Variants in ABCC2 observed in about 807,000 individuals in gnomAD.
ABCC2 encodes ATP-binding cassette sub-family C member 2.
A neutral mutation model predicts 173.4 loss-of-function variants in ABCC2; 157 were observed. The observed-to-expected ratio is 0.91, with a 90% CI of 0.80 to 1.03. ABCC2 has a LOEUF of 1.03. Among genes scored for constraint, ABCC2 ranks in the 50% least tolerant of loss-of-function variants. The probability of loss-of-function intolerance (pLI) is 0.00; values close to 1 mark genes in which losing one functional copy is unlikely to be tolerated. For missense variants in ABCC2, 1,822 were observed against 1,852.3 expected, an observed-to-expected ratio of 0.98 and a Z score of 0.30; for synonymous variants, 657 against 693.5, an observed-to-expected ratio of 0.95 and a Z score of 0.83.
intron 6 of ABCC2, among the ~76,000 whole-genome samples, chr10:99,794,971 G>T (rs1403402169): frequency 2.0e-5 from 3 of 152,202 alleles, no homozygotes; most frequent in Non-Finnish European, 4.4e-5. Context: ...CTGAGGAGAA[G>T]ATGGAGGGGG....
Position 99,805,440 on chromosome 10 carries a change from G to A in ABCC2, c.1523G>A (p.Gly508Glu). ...RLKIMNEILS[G>E]IKILKYFAWE... The stretch of plus-strand genomic sequence containing the variant: ...AAGATCATGAATGAGATTCTTAGTG[G>A]AATCAAGGTGAGAATCTGAGCGTAG... Residue 508 changes from glycine (G) to glutamate (E), a missense_variant, in exon 11 of 32, where the codon GGA becomes GAA. Transcript: ENST00000647814. 2.5e-6 allele frequency: 4 copies of A among 1,613,854 alleles called. No individual in the cohort carries two copies. Among genetic ancestry groups the A allele is most frequent in the Non-Finnish European group, 3.4e-6 (4 of 1,179,852 alleles).
At position 99,851,701 on chromosome 10, in the gene ABCC2, A is replaced by G; in HGVS notation, c.*70A>G. On this transcript the variant is annotated 3_prime_UTR_variant, in exon 32 of 32. Transcript: ENST00000647814. ...TATTTAATTTTATTTTTTATAAAAT[A>G]CAGAATACATACAAAAGTGTGTATA... 3 of 1,390,352 alleles carry G rather than the reference A, an allele frequency of 2.2e-6. No individual in the cohort carries two copies. Among genetic ancestry groups the G allele is most frequent in the Non-Finnish European group, 3.0e-6 (3 of 1,010,600 alleles). 86.1% of individuals were successfully genotyped at this position (1,390,352 alleles called of 1,614,324 possible).
intron 31 of ABCC2, 105 bp downstream of exon 31, chr10:99,850,901 C>T (rs1253816248): frequency 5.2e-6 from 7 of 1,340,636 alleles, no homozygotes; most frequent in Non-Finnish European, 6.4e-6. Context: ...ACCACCACCA[C>T]ATTACTGATG....
At chr10:99,832,533 G>A (rs543067714) in intron 23 of ABCC2, among the ~76,000 whole-genome samples, 61 of 152,338 alleles carry the variant, frequency 4.0e-4, no homozygotes, top group African/African-American at 1.4e-3. Context: ...AGATGGCAAG[G>A]GTTGGGGGAT....
chr10:99,794,220 C>T (rs998253250), intron 5 of ABCC2, among the ~76,000 whole-genome samples, 193 bp from the exon 6 acceptor site: 1 of 152,082 alleles, frequency 6.6e-6, no homozygotes, highest in South Asian at 2.1e-4. Context: ...TATATCTATG[C>T]CAGAAAATCT....
At chr10:99,805,477 T>A (rs201655650) in intron 11 of ABCC2, 30 bp downstream of exon 11, 1 of 1,607,648 alleles carries the variant, frequency 6.2e-7, no homozygotes, top group African/African-American at 1.3e-5. Context: ...TGGCTCTCTG[T>A]GGGTAAGGAC....
intron 26 of ABCC2, among the ~76,000 whole-genome samples, chr10:99,842,684 T>G (rs962841910): frequency 2.0e-5 from 3 of 152,206 alleles, no homozygotes; most frequent in African/African-American, 7.2e-5. Flanking sequence ...CTTTTTGAAC[T>G]AATTTTTTTA....
chr10:99,784,633 A>G lies in ABCC2; in HGVS notation c.59A>G (p.Glu20Gly), dbSNP rs1433080106. ...FWNSSFLDSPEADLPLCFEQT... is the reference protein window; with the variant it reads ...FWNSSFLDSPGADLPLCFEQT... ...AATTCCTCATTCCTGGACAGTCCGGAGGCAGACCTGCCACTTTGTTTTGAG... is the reference window on the plus strand; with the variant it reads ...AATTCCTCATTCCTGGACAGTCCGGGGGCAGACCTGCCACTTTGTTTTGAG... Residue 20 changes from glutamate (E) to glycine (G), a missense_variant, in exon 2 of 32, where the codon GAG becomes GGG. Physicochemically the swap from Glu to Gly is moderately conservative, Grantham distance 98. Transcript: ENST00000647814. 6.2e-7 allele frequency: 1 copy of G among 1,614,168 alleles called. No individual in the cohort carries two copies. The highest frequency in any genetic ancestry group is 8.5e-7 in the Non-Finnish European group (1 of 1,180,030).
chr10:99,787,202 TA>T (rs2132949328), intron 2 of ABCC2, among the ~76,000 whole-genome samples: 1 of 151,870 alleles, frequency 6.6e-6, no homozygotes, highest in South Asian at 2.1e-4. Context: ...TATTAACACA[TA>T]TGTGCAACCA....
intron 2 of ABCC2, among the ~76,000 whole-genome samples, chr10:99,791,555 T>C (rs2037812083): frequency 6.6e-6 from 1 of 152,162 alleles, no homozygotes; most frequent in Non-Finnish European, 1.5e-5. Context: ...GATCAAGAAT[T>C]TGGGAGCAGC....
chr10:99,828,203 G>T (rs781767509), intron 19 of ABCC2, among the ~76,000 whole-genome samples: 9 of 151,658 alleles, frequency 5.9e-5, no homozygotes, highest in Non-Finnish European at 1.3e-4. Flanking sequence ...TGTCTTTAAT[G>T]TACAAAGAAC....
intron 2 of ABCC2, among the ~76,000 whole-genome samples, chr10:99,789,571 C>G (rs776156458): frequency 1.3e-5 from 2 of 151,754 alleles, no homozygotes; most frequent in African/African-American, 4.8e-5. Flanking sequence ...AAAAATTAGC[C>G]GGGCATAATG....
chr10:99,792,735 A>G (rs1361789609), intron 3 of ABCC2, among the ~76,000 whole-genome samples: 2 of 152,226 alleles, frequency 1.3e-5, no homozygotes. Context: ...CAGTGAGCTT[A>G]GAGTTTATAT....
chr10:99,818,643 G>C, intron 17 of ABCC2, 147 bp from the exon 18 acceptor site: 3 of 747,516 alleles, frequency 4.0e-6, no homozygotes, highest in Non-Finnish European at 4.4e-6. Flanking sequence ...ATTTGAATCA[G>C]TTCTTTATTT....
chr10:99,782,672 A>G lies in ABCC2; in HGVS notation c.-173A>G, dbSNP rs1298235265. The stretch of plus-strand genomic sequence containing the variant: ...TGTCCATCCACTGTTTCAATGTAAC[A>G]TGCATCTAGGCAAGGTTAACGATTA... On this transcript the variant is annotated 5_prime_UTR_variant, in exon 1 of 32. It removes an upstream start codon present in the reference 5' UTR. Transcript: ENST00000647814. 3 of 727,676 alleles carry G rather than the reference A, an allele frequency of 4.1e-6. No homozygotes were observed. Among genetic ancestry groups the G allele is most frequent in the African/African-American group, 1.8e-5 (1 of 56,856 alleles). The allele number at this position is 727,676 out of a possible 1,614,324, so 45.1% of individuals were successfully genotyped here.
rs944031214 is a variant in ABCC2 at position 99,836,301 on chromosome 10, C to T, written c.3614+11C>T. 2 of 1,613,604 alleles carry T rather than the reference C, an allele frequency of 1.2e-6. No individual in the cohort carries two copies. The highest frequency in any genetic ancestry group is 1.3e-5 in the African/African-American group (1 of 75,018). On this transcript the variant is annotated intron_variant, in intron 25 of 31. Transcript: ENST00000647814. Reference sequence around the variant, plus strand: ...GATCACCTCCAACAGGTGAGGCTTCCCCTGGGTATTTACCCATGTGTGTAC... The same window carrying T: ...GATCACCTCCAACAGGTGAGGCTTCTCCTGGGTATTTACCCATGTGTGTAC...
chr10:99,838,046 C>T (rs1282027859), intron 25 of ABCC2, among the ~76,000 whole-genome samples: 30 of 49,666 alleles, frequency 6.0e-4, no homozygotes, highest in East Asian at 2.2e-3. Context: ...CCAGTAGGGG[C>T]GGCCGGGCAG....
chr10:99,794,378 A>G (rs775914256), intron 5 of ABCC2, 35 bp from the exon 6 acceptor site: 173 of 1,585,954 alleles, frequency 1.1e-4, no homozygotes, highest in South Asian at 9.0e-4. Flanking sequence ...CCTGTCTCCA[A>G]TTGGTTTACA....
At position 99,807,447 on chromosome 10, in the gene ABCC2, G is replaced by C; in HGVS notation, c.1594G>C (p.Glu532Gln). Residue 532 changes from glutamate (E) to glutamine (Q), a missense_variant, in exon 12 of 32, where the codon GAG (glutamate) becomes CAG (glutamine). By Grantham distance (29) the Glu-to-Gln change is conservative. Transcript: ENST00000647814. ...CCAAGTACAAAACCTCCGGAAGAAA[G>C]AGCTCAAGAACCTGCTGGCCTTTAG... is the stretch of plus-strand genomic sequence containing the variant. Reference protein sequence around the residue: ...RDQVQNLRKKELKNLLAFSQL... With the variant: ...RDQVQNLRKKQLKNLLAFSQL... The C allele has an allele frequency of 6.2e-7, 1 of 1,614,110 alleles. No individual in the cohort carries two copies. Among genetic ancestry groups the C allele is most frequent in the Non-Finnish European group, 8.5e-7 (1 of 1,179,978 alleles).
Sources: allele counts gnomAD v4.1 joint callset (sites outside exome capture counted in the v4.1 genomes callset), GRCh38; gene constraint gnomAD v4.1.1; transcripts MANE v1.5; gene names NCBI Gene and HGNC (gene_info 2026-07-23, HGNC 2026-07-21).